The following NRXN3 variants were observed in gnomAD, a reference collection of about 807,000 sequenced individuals.
NRXN3 encodes neurexin 3, also known as neurexin III.
NRXN3 carries 32 observed loss-of-function variants against 137.6 expected under a neutral mutation model. That is an observed-to-expected ratio of 0.23 (90% CI 0.18 to 0.31). The LOEUF (loss-of-function observed/expected upper bound fraction) is 0.31, where lower values mean the gene tolerates loss of function less well. Among genes scored for constraint, NRXN3 ranks in the 10% least tolerant of loss-of-function variants. The pLI is 1.00. For synonymous variants in NRXN3, 798 were observed against 784.5 expected (o/e 1.02, Z -0.29); for missense variants, 1,574 against 2,062.5 (o/e 0.76, Z 4.59).
chr14:79,372,015 G>A lies in NRXN3; in HGVS notation c.3263-95206G>A, dbSNP rs534440707. ...TATCTTTTCTCACTTTACTTCATTT[G>A]TTGAACAATTTATATGCTGATATAG... On this transcript the variant is annotated intron_variant, in intron 15 of 20. Transcript: ENST00000335750. 1.6e-3 allele frequency among the ~76,000 whole-genome samples: 249 copies of A among 152,222 alleles called. 1 individual carries two copies. The highest frequency in any genetic ancestry group is 2.8e-3 in the Non-Finnish European group (187 of 67,984).
At chr14:79,345,703 A>G (rs551121536) in intron 15 of NRXN3, among the ~76,000 whole-genome samples, 1 of 152,082 alleles carries the variant, frequency 6.6e-6, no homozygotes, top group Admixed American at 6.5e-5. Context: ...TGGTTGTTTA[A>G]AAGTGTGTGG....
chr14:79,181,782 G>A (rs1293800772), intron 15 of NRXN3, among the ~76,000 whole-genome samples: 1 of 151,528 alleles, frequency 6.6e-6, no homozygotes, highest in Admixed American at 6.6e-5. Context: ...CATGTGAAAA[G>A]CATCTCAATC....
chr14:79,676,291 T>G (rs1469266916), intron 17 of NRXN3, among the ~76,000 whole-genome samples: 2 of 152,036 alleles, frequency 1.3e-5, no homozygotes, highest in Non-Finnish European at 2.9e-5. Flanking sequence ...TTTTTATAGA[T>G]GTGCATATGC....
At chr14:78,302,809 C>A (rs8013312) in intron 4 of NRXN3, among the ~76,000 whole-genome samples, 43,958 of 152,070 alleles carry the variant, frequency 0.29, 7,274 homozygotes, top group East Asian at 0.48. Flanking sequence ...GAACCTTCCT[C>A]CTCCTAGGCA....
chr14:79,829,722 G>T (rs1003885756), intron 20 of NRXN3, among the ~76,000 whole-genome samples: 2 of 152,154 alleles, frequency 1.3e-5, no homozygotes, highest in Admixed American at 6.6e-5. Flanking sequence ...GAAAGAGATT[G>T]CAAGTGAGTA....
At chr14:78,632,323 G>A (rs1034080278) in intron 4 of NRXN3, among the ~76,000 whole-genome samples, 4 of 152,056 alleles carry the variant, frequency 2.6e-5, no homozygotes, top group Admixed American at 2.0e-4. Flanking sequence ...GGTTCCTTTA[G>A]CAGCTGGTGA....
At chr14:78,223,935 A>T (rs952133798) in intron 1 of NRXN3, among the ~76,000 whole-genome samples, 1 of 152,190 alleles carries the variant, frequency 6.6e-6, no homozygotes, top group African/African-American at 2.4e-5. Flanking sequence ...CGTATTGAGA[A>T]TGGCCATGGA....
intron 19 of NRXN3, among the ~76,000 whole-genome samples, chr14:79,740,942 A>G (rs1290792471): frequency 1.3e-5 from 2 of 151,454 alleles, no homozygotes; most frequent in Admixed American, 6.6e-5. Flanking sequence ...CTAAAACATT[A>G]TTAATGTACA....
At chr14:79,679,100 A>G (rs2098655933) in intron 17 of NRXN3, among the ~76,000 whole-genome samples, 1 of 151,452 alleles carries the variant, frequency 6.6e-6, no homozygotes, top group Non-Finnish European at 1.5e-5. Flanking sequence ...TGTCAGTTGA[A>G]ATTATTTTGA....
At chr14:79,226,229 A>G (rs2070841390) in intron 15 of NRXN3, among the ~76,000 whole-genome samples, 1 of 152,228 alleles carries the variant, frequency 6.6e-6, no homozygotes, top group South Asian at 2.1e-4. Context: ...ATCAAAACAT[A>G]GCAAATGTCA....
At chr14:78,475,600 T>C (rs1271158098) in intron 4 of NRXN3, among the ~76,000 whole-genome samples, 1 of 152,178 alleles carries the variant, frequency 6.6e-6, no homozygotes, top group Admixed American at 6.5e-5. Context: ...AAGAGTTGAA[T>C]AGAGCACAGC....
At chr14:78,851,546 C>T (rs1386385580) in intron 10 of NRXN3, among the ~76,000 whole-genome samples, 4 of 152,126 alleles carry the variant, frequency 2.6e-5, no homozygotes, top group African/African-American at 4.8e-5. Context: ...ATGCCTGTAC[C>T]GGTAAAACTT....
intron 19 of NRXN3, among the ~76,000 whole-genome samples, chr14:79,768,880 A>T (rs1452477652): frequency 6.6e-6 from 1 of 151,628 alleles, no homozygotes; most frequent in African/African-American, 2.4e-5. Flanking sequence ...TTTGAAAAAA[A>T]TTTAGAAGAA....
chr14:79,690,324 T>C (rs2098711736), intron 17 of NRXN3, among the ~76,000 whole-genome samples: 2 of 152,182 alleles, frequency 1.3e-5, no homozygotes, highest in South Asian at 4.1e-4. Flanking sequence ...TATAATGATC[T>C]CTAATCGATA....
At chr14:79,097,765 T>C (rs537221198) in intron 15 of NRXN3, among the ~76,000 whole-genome samples, 30 of 152,340 alleles carry the variant, frequency 2.0e-4, no homozygotes, top group African/African-American at 6.3e-4. Flanking sequence ...CATGTAAATG[T>C]AGTATTCCCC....
At chr14:79,120,366 A>G (rs369571703) in intron 15 of NRXN3, among the ~76,000 whole-genome samples, 2 of 152,088 alleles carry the variant, frequency 1.3e-5, no homozygotes, top group African/African-American at 4.8e-5. Context: ...TATTTCTTTT[A>G]GAGGTCATGA....
At position 79,285,195 on chromosome 14, in the gene NRXN3, C is replaced by G. The variant is rs111825380; in HGVS notation, c.3263-182026C>G. Among the ~76,000 whole-genome samples the G allele has an allele frequency of 7.0e-3, 1,062 of 152,248 alleles. 6 individuals carry two copies. Among genetic ancestry groups the G allele is most frequent in the Middle Eastern group, 0.017 (5 of 294 alleles). ...GAACAAAAAACAAGACGCACACACA[C>G]ACACAAAAACTTGCCGATACTGGCT... On this transcript the variant is annotated intron_variant, in intron 15 of 20. Coordinates refer to ENST00000335750, the MANE Select transcript of NRXN3 (RefSeq NM_001330195.2).
At chr14:78,490,861 A>C (rs1174413190) in intron 4 of NRXN3, among the ~76,000 whole-genome samples, 1 of 152,080 alleles carries the variant, frequency 6.6e-6, no homozygotes, top group African/African-American at 2.4e-5. Flanking sequence ...CGGGGTAATA[A>C]TTTTTACCTG....
chr14:79,508,985 A>G (rs2096906458), intron 16 of NRXN3, among the ~76,000 whole-genome samples: 1 of 151,974 alleles, frequency 6.6e-6, no homozygotes, highest in South Asian at 2.1e-4. Flanking sequence ...TGAGGATCAC[A>G]GGAGTTTGAG....
Sources: allele counts gnomAD v4.1 joint callset (sites outside exome capture counted in the v4.1 genomes callset), GRCh38; gene constraint gnomAD v4.1.1; transcripts MANE v1.5; gene names NCBI Gene and HGNC (gene_info 2026-07-23, HGNC 2026-07-21).